Variants in PHTF2 observed in about 807,000 individuals in gnomAD.
PHTF2 encodes protein PHTF2.
PHTF2 carries 60 observed loss-of-function variants against 101.2 expected under a neutral mutation model. The observed-to-expected ratio is 0.59, with a 90% CI of 0.48 to 0.73. The LOEUF (loss-of-function observed/expected upper bound fraction) is 0.73. PHTF2 is among the 30% of genes least tolerant of loss of function. PHTF2 has a pLI of 0.00. For missense variants in PHTF2, 747 were observed against 908.7 expected, an observed-to-expected ratio of 0.82 and a Z score of 2.29; for synonymous variants, 311 against 307.3, an observed-to-expected ratio of 1.01 and a Z score of -0.13.
At chr7:77,858,841 C>G (rs1203548620) in intron 3 of PHTF2, among the ~76,000 whole-genome samples, 1 of 152,006 alleles carries the variant, frequency 6.6e-6, no homozygotes, top group Non-Finnish European at 1.5e-5. Context: ...GTGGTTATAA[C>G]AAGATATAAG....
At chr7:77,803,290 A>T (rs1217996460) in intron 1 of PHTF2, among the ~76,000 whole-genome samples, 2 of 152,236 alleles carry the variant, frequency 1.3e-5, no homozygotes, top group African/African-American at 4.8e-5. Flanking sequence ...CAGTTGCAAA[A>T]ACAGTACAAG....
At chr7:77,918,043 A>C (rs1323288212) in intron 9 of PHTF2, among the ~76,000 whole-genome samples, 3 of 152,182 alleles carry the variant, frequency 2.0e-5, no homozygotes, top group African/African-American at 7.2e-5. Context: ...AGTGAGAGAT[A>C]GCTGAAAGGT....
intron 12 of PHTF2, among the ~76,000 whole-genome samples, chr7:77,936,731 T>C (rs1805174972): frequency 7.8e-6 from 1 of 127,578 alleles, no homozygotes; most frequent in Non-Finnish European, 1.6e-5. Context: ...AATACTGCAA[T>C]ATAAACAAGC....
chr7:77,883,818 G>C (rs1799600089), intron 3 of PHTF2, among the ~76,000 whole-genome samples: 1 of 152,160 alleles, frequency 6.6e-6, no homozygotes, highest in African/African-American at 2.4e-5. Context: ...CAAATCATTA[G>C]TGAGCATAAA....
At chr7:77,900,841 A>G in intron 6 of PHTF2, 61 bp downstream of exon 5, 1 of 870,962 alleles carries the variant, frequency 1.1e-6, no homozygotes, top group Non-Finnish European at 2.0e-6. Flanking sequence ...AACAGAATTC[A>G]AAATAGGTTT....
chr7:77,930,046 C>T (rs1229958088), intron 12 of PHTF2, among the ~76,000 whole-genome samples: 1 of 151,288 alleles, frequency 6.6e-6, no homozygotes, highest in African/African-American at 2.4e-5. Context: ...CTTCGCCTCC[C>T]AGGTTCCAGC....
At chr7:77,922,818 T>G in intron 11 of PHTF2, 40 bp downstream of exon 10, 1 of 1,346,150 alleles carries the variant, frequency 7.4e-7, no homozygotes. Flanking sequence ...ACGTATCTAT[T>G]TTATATGTTA....
At chr7:77,899,359 T>C (rs1801172261) in intron 5 of PHTF2, among the ~76,000 whole-genome samples, 2 of 152,112 alleles carry the variant, frequency 1.3e-5, no homozygotes, top group African/African-American at 4.8e-5. Context: ...ACTCAATTTT[T>C]TTTTTTTCAC....
chr7:77,925,495 GTTTTTTTTTTTT>G (rs58290945), intron 11 of PHTF2, among the ~76,000 whole-genome samples: 12 of 73,164 alleles, frequency 1.6e-4, no homozygotes, highest in South Asian at 5.7e-4. Context: ...AGTTTTTAGG[GTTTTTTTTTTTT>G]TTTTTTTTTT....
intron 1 of PHTF2, among the ~76,000 whole-genome samples, chr7:77,809,492 G>T (rs762875759): frequency 2.0e-5 from 3 of 152,062 alleles, no homozygotes; most frequent in Admixed American, 6.6e-5. Context: ...CTCCCGAAGT[G>T]CTGGGATTAT....
intron 2 of PHTF2, among the ~76,000 whole-genome samples, chr7:77,842,060 T>G (rs1415654708): frequency 6.6e-6 from 1 of 152,164 alleles, no homozygotes; most frequent in African/African-American, 2.4e-5. Context: ...TAACTGAAGT[T>G]AGCCCTGTAA....
At chr7:77,831,936 T>C (rs1471607749) in intron 1 of PHTF2, among the ~76,000 whole-genome samples, 1 of 152,176 alleles carries the variant, frequency 6.6e-6, no homozygotes, top group Non-Finnish European at 1.5e-5. Context: ...AGGAAATGGA[T>C]GCAGAGCACA....
intron 3 of PHTF2, among the ~76,000 whole-genome samples, chr7:77,863,218 G>GTTCT (rs2150681264): frequency 1.3e-5 from 2 of 152,328 alleles, no homozygotes; most frequent in East Asian, 3.9e-4. Flanking sequence ...ATTACAAAGA[G>GTTCT]TTCTGGTTTA....
chr7:77,884,756 G>C (rs560043346), intron 3 of PHTF2, among the ~76,000 whole-genome samples: 1 of 152,224 alleles, frequency 6.6e-6, no homozygotes, highest in African/African-American at 2.4e-5. Flanking sequence ...AAAATTAGCC[G>C]GATGTGGTGG....
At chr7:77,843,309 G>A (rs1015609222) in intron 2 of PHTF2, among the ~76,000 whole-genome samples, 1 of 151,972 alleles carries the variant, frequency 6.6e-6, no homozygotes, top group Non-Finnish European at 1.5e-5. Flanking sequence ...TTGGTTTTAC[G>A]AATTCTTTTT....
At chr7:77,818,669 A>G (rs1176185785) in intron 1 of PHTF2, among the ~76,000 whole-genome samples, 2 of 152,176 alleles carry the variant, frequency 1.3e-5, no homozygotes, top group Non-Finnish European at 2.9e-5. Context: ...GCTTTGTAGT[A>G]TATTTGAAAG....
chr7:77,816,076 C>CT (rs1017432909), intron 1 of PHTF2, among the ~76,000 whole-genome samples: 16 of 148,102 alleles, frequency 1.1e-4, no homozygotes, highest in Non-Finnish European at 1.4e-4. Flanking sequence ...ATTGGAATAA[C>CT]TTTTTTTTTT....
intron 3 of PHTF2, among the ~76,000 whole-genome samples, chr7:77,890,345 C>G (rs755848292): frequency 7.9e-5 from 12 of 152,096 alleles, no homozygotes; most frequent in Non-Finnish European, 1.8e-4. Context: ...GATTGACATC[C>G]ATTTCTGATT....
intron 3 of PHTF2, among the ~76,000 whole-genome samples, chr7:77,864,184 A>T (rs771948060): frequency 1.4e-4 from 21 of 152,196 alleles, no homozygotes; most frequent in Non-Finnish European, 2.6e-4. Context: ...ATTACCTTGA[A>T]AGTGTTACAG....
Sources: gnomAD v4.1 joint callset for allele counts (sites outside exome capture counted in the v4.1 genomes callset) on GRCh38, gnomAD v4.1.1 for gene constraint, MANE v1.5 for transcripts, NCBI Gene and HGNC (gene_info 2026-07-23, HGNC 2026-07-21) for gene names.